Variants in C2orf49 observed in about 807,000 individuals in gnomAD.
C2orf49 encodes the protein tRNA splicing ligase complex subunit 2, also known as tRNA-splicing ligase complex subunit ASW.
C2orf49 carries 11 observed loss-of-function variants against 20.6 expected under a neutral mutation model. The ratio of observed to expected loss-of-function variants is 0.53; its 90% confidence interval spans 0.34 to 0.88. The LOEUF (loss-of-function observed/expected upper bound fraction) is 0.88, where lower values mean the gene tolerates loss of function less well. Among genes scored for constraint, C2orf49 ranks in the 40% least tolerant of loss-of-function variants. The pLI is 0.02. For synonymous variants in C2orf49, 134 were observed against 108.5 expected, an observed-to-expected ratio of 1.24 and a Z score of -1.46; for missense variants, 289 against 274.2, an observed-to-expected ratio of 1.05 and a Z score of -0.38.
At chr2:105,378,155 TG>T in the C2orf49 span, 1 of 471,188 alleles carries the variant, frequency 2.1e-6, no homozygotes, top group Non-Finnish European at 4.4e-6. Context: ...GACATGCACA[TG>T]GGTCCAAGGC....
At chr2:105,352,647 T>C (rs185669644), downstream of C2orf49, among the ~76,000 whole-genome samples, 20 of 152,048 alleles carry the variant, frequency 1.3e-4, no homozygotes, top group African/African-American at 4.3e-4. Flanking sequence ...GGTTTCACCA[T>C]GTTAGCCAGG....
In C2orf49 at chr2:105,346,876, T is replaced by C. The variant is rs1276996386; in HGVS notation, c.*1505T>C. 6.6e-6 allele frequency: 1 copy of C among 152,254 alleles called. No homozygotes were observed. The highest frequency in any genetic ancestry group is 2.4e-5 in the African/African-American group (1 of 41,472). 9.4% of individuals were successfully genotyped at this position (152,254 alleles called of 1,614,324 possible). The stretch of plus-strand genomic sequence containing the variant: ...GAAAATAGGGTTTACCTTATATTCA[T>C]GAGTTCTAGTTTCTACTGTTCTGCT... On this transcript the variant is annotated 3_prime_UTR_variant, in exon 4 of 4. Coordinates refer to ENST00000258457, the MANE Select transcript of C2orf49 (RefSeq NM_024093.3).
chr2:105,377,112 G>A, the C2orf49 span, among the ~76,000 whole-genome samples: 1 of 152,182 alleles, frequency 6.6e-6, no homozygotes, highest in African/African-American at 2.4e-5. Context: ...CGATGATCTT[G>A]AGCAGTAAGA....
intron 3 of C2orf49, among the ~76,000 whole-genome samples, chr2:105,345,054 G>A (rs558296166): frequency 2.0e-5 from 3 of 152,188 alleles, no homozygotes; most frequent in Admixed American, 2.0e-4. Flanking sequence ...TACCTTTTAT[G>A]GATTCTGGTT....
the C2orf49 span, chr2:105,376,270 T>C: frequency 6.6e-6 from 1 of 152,252 alleles, no homozygotes; most frequent in Non-Finnish European, 1.5e-5. Flanking sequence ...TTATTTCCAC[T>C]GAACCAGCCC....
the C2orf49 span, among the ~76,000 whole-genome samples, chr2:105,380,622 T>A: frequency 6.6e-6 from 1 of 152,232 alleles, no homozygotes; most frequent in South Asian, 2.1e-4. Flanking sequence ...ATTTCATTAG[T>A]ACTCCATTGT....
chr2:105,360,118 T>C, the C2orf49 span: 1 of 152,078 alleles, frequency 6.6e-6, no homozygotes, highest in Non-Finnish European at 1.5e-5. Context: ...CAGCCTAACA[T>C]GGTGAAACCC....
rs773385842 is a variant in C2orf49, at chr2:105,337,671, C to G, written c.84C>G (p.Leu28=). The G allele has an allele frequency of 1.5e-6, 2 of 1,371,602 alleles. No homozygotes were observed. Among genetic ancestry groups the G allele is most frequent in the African/African-American group, 3.1e-5 (2 of 64,932 alleles). 85.0% of individuals were successfully genotyped at this position (1,371,602 alleles called of 1,614,324 possible). ...AGCTGCTGTCCCAGGAGTTCCTTCT[C>G]CTCACTCTGGAGCAGGTTGGGCGCG... ...HPELLSQEFL[L]LTLEQKNIAV... The change falls in exon 1 of 4, where the codon CTC becomes CTG. Residue 28 remains leucine (L), a synonymous_variant. Transcript: ENST00000258457.
chr2:105,375,133 ATGTGTGTGTGTG>A, the C2orf49 span: 4 of 150,286 alleles, frequency 2.7e-5, no homozygotes, highest in Admixed American at 2.6e-4. Context: ...TTGCTGAAGT[ATGTGTGTGTGTG>A]TGTGTGTGTG....
chr2:105,356,323 G>A, the C2orf49 span, among the ~76,000 whole-genome samples: 1 of 152,114 alleles, frequency 6.6e-6, no homozygotes, highest in Admixed American at 6.6e-5. Context: ...CCTAGGAGGC[G>A]GAGGTTACAG....
At chr2:105,371,417 G>T in the C2orf49 span, among the ~76,000 whole-genome samples, 3 of 152,036 alleles carry the variant, frequency 2.0e-5, no homozygotes, top group South Asian at 6.2e-4. Flanking sequence ...CCAGCCTGCC[G>T]CCCTACGGAA....
At chr2:105,370,015 T>C in the C2orf49 span, among the ~76,000 whole-genome samples, 1 of 152,176 alleles carries the variant, frequency 6.6e-6, no homozygotes, top group Admixed American at 6.5e-5. Flanking sequence ...AATCGCACAC[T>C]CTGAACCAAG....
the C2orf49 span, among the ~76,000 whole-genome samples, chr2:105,355,930 G>A: frequency 6.6e-6 from 1 of 152,070 alleles, no homozygotes; most frequent in Non-Finnish European, 1.5e-5. Context: ...ATACATGGCT[G>A]TGTTTGAATA....
At chr2:105,380,086 G>C in the C2orf49 span, among the ~76,000 whole-genome samples, 1,632 of 152,300 alleles carry the variant, frequency 0.011, 28 homozygotes, top group African/African-American at 0.037. Context: ...ACAATAAGGA[G>C]GAAGTGAGGA....
the C2orf49 span, among the ~76,000 whole-genome samples, chr2:105,354,412 C>G: frequency 1.3e-5 from 2 of 152,106 alleles, no homozygotes; most frequent in Non-Finnish European, 1.5e-5. Flanking sequence ...CGCCTGTAAT[C>G]CCAGCACTGT....
chr2:105,382,822 A>C, the C2orf49 span, among the ~76,000 whole-genome samples: 1 of 152,344 alleles, frequency 6.6e-6, no homozygotes, highest in East Asian at 1.9e-4. Flanking sequence ...CCAGGGCTTA[A>C]AATCACCAAT....
chr2:105,349,783 G>T (rs958732993), downstream of C2orf49, among the ~76,000 whole-genome samples: 1 of 152,190 alleles, frequency 6.6e-6, no homozygotes, highest in African/African-American at 2.4e-5. Flanking sequence ...GTTAGGAAAG[G>T]CCTCTGAAGA....
the C2orf49 span, chr2:105,359,465 G>T: frequency 6.6e-6 from 1 of 152,144 alleles, no homozygotes. Flanking sequence ...TTTCACATAT[G>T]CTCAGCATAT....
the C2orf49 span, chr2:105,367,803 T>A: frequency 6.6e-7 from 1 of 1,524,426 alleles, no homozygotes; most frequent in Non-Finnish European, 8.9e-7. Flanking sequence ...GTCCCAGCAA[T>A]CTGCCTTCAG....
Sources: gnomAD v4.1 joint callset for allele counts (sites outside exome capture counted in the v4.1 genomes callset) on GRCh38, gnomAD v4.1.1 for gene constraint, MANE v1.5 for transcripts, NCBI Gene and HGNC (gene_info 2026-07-23, HGNC 2026-07-21) for gene names.